Variants in CIRSR observed in about 807,000 individuals in gnomAD.
The protein encoded by CIRSR is corepressor of RBPJ and splicing regulator, also known as CBF1 (RBPJ) interacting corepressor 1.
chr2:174,351,099 TA>T, the CIRSR span, among the ~76,000 whole-genome samples: 1 of 152,152 alleles, frequency 6.6e-6, no homozygotes, highest in African/African-American at 2.4e-5. Flanking sequence ...TAATGAAATA[TA>T]AAAAAGAAGA....
the CIRSR span, among the ~76,000 whole-genome samples, chr2:174,359,334 T>TAA: frequency 4.4e-5 from 6 of 136,756 alleles, no homozygotes; most frequent in East Asian, 2.1e-4. Context: ...GCATTTTACT[T>TAA]AAAAAAAAAA....
the CIRSR span, chr2:174,348,641 T>C: frequency 6.2e-7 from 1 of 1,614,232 alleles, no homozygotes; most frequent in Non-Finnish European, 8.5e-7. Flanking sequence ...CCCGTTTCCT[T>C]GTCTCCCTTT....
chr2:174,385,059 G>GA, the CIRSR span, among the ~76,000 whole-genome samples: 1 of 151,724 alleles, frequency 6.6e-6, no homozygotes, highest in African/African-American at 2.4e-5. Context: ...CTACAAAAAA[G>GA]AAAAAATTAG....
the CIRSR span, among the ~76,000 whole-genome samples, chr2:174,352,646 G>A: frequency 1.6e-4 from 24 of 152,170 alleles, no homozygotes; most frequent in African/African-American, 5.1e-4. Flanking sequence ...TGTAAGGTAA[G>A]AGAGACTCTT....
At chr2:174,372,790 C>A in the CIRSR span, among the ~76,000 whole-genome samples, 1 of 152,080 alleles carries the variant, frequency 6.6e-6, no homozygotes, top group Non-Finnish European at 1.5e-5. Context: ...CAGTGTTGTC[C>A]AGGCTGGTCT....
At chr2:174,368,046 C>T in the CIRSR span, among the ~76,000 whole-genome samples, 17 of 152,134 alleles carry the variant, frequency 1.1e-4, no homozygotes, top group African/African-American at 2.9e-4. Context: ...TGTGTACATG[C>T]CTAACAACAG....
the CIRSR span, chr2:174,379,102 T>C: frequency 1.8e-6 from 2 of 1,111,482 alleles, no homozygotes; most frequent in East Asian, 4.7e-5. Flanking sequence ...AATGTTCAAA[T>C]TCCTATTCCT....
chr2:174,387,571 A>G, the CIRSR span: 14 of 1,158,640 alleles, frequency 1.2e-5, no homozygotes, highest in African/African-American at 1.6e-5. Context: ...GAAAGACACG[A>G]ATCCTATAAT....
chr2:174,358,192 ACT>A, the CIRSR span: 5 of 152,188 alleles, frequency 3.3e-5, no homozygotes, highest in Non-Finnish European at 5.9e-5. Flanking sequence ...AAAAAAAATC[ACT>A]GTTTATTAGA....
At chr2:174,355,725 A>G in the CIRSR span, among the ~76,000 whole-genome samples, 1 of 152,250 alleles carries the variant, frequency 6.6e-6, no homozygotes, top group Non-Finnish European at 1.5e-5. Context: ...TTTTTACAGA[A>G]CAAAAACAAT....
the CIRSR span, among the ~76,000 whole-genome samples, chr2:174,393,785 G>A: frequency 6.7e-6 from 1 of 150,154 alleles, no homozygotes; most frequent in Non-Finnish European, 1.5e-5. Context: ...ATATCCCTGT[G>A]AAACCATCAT....
At chr2:174,379,509 C>T in the CIRSR span, among the ~76,000 whole-genome samples, 1 of 152,118 alleles carries the variant, frequency 6.6e-6, no homozygotes, top group South Asian at 2.1e-4. Context: ...GGGAAAGCAG[C>T]CACAGCCAAT....
chr2:174,373,628 CAT>C, the CIRSR span, among the ~76,000 whole-genome samples: 2 of 152,074 alleles, frequency 1.3e-5, no homozygotes, highest in Non-Finnish European at 2.9e-5. Flanking sequence ...ATATTAGAAT[CAT>C]AGCATAGATT....
the CIRSR span, among the ~76,000 whole-genome samples, chr2:174,362,691 A>G: frequency 7.1e-5 from 6 of 85,096 alleles, no homozygotes; most frequent in Non-Finnish European, 1.8e-4. Context: ...TGCCTCAAAA[A>G]AAAAAAAAAA....
At chr2:174,372,604 T>C in the CIRSR span, among the ~76,000 whole-genome samples, 2 of 152,156 alleles carry the variant, frequency 1.3e-5, no homozygotes, top group Non-Finnish European at 2.9e-5. Flanking sequence ...GTTCTTTCTC[T>C]ATTTTTTTTT....
chr2:174,349,769 A>G, the CIRSR span, among the ~76,000 whole-genome samples: 1 of 152,262 alleles, frequency 6.6e-6, no homozygotes, highest in Middle Eastern at 3.4e-3. Context: ...GAAATTATAT[A>G]GCACTCTAAA....
chr2:174,383,635 G>C, the CIRSR span, among the ~76,000 whole-genome samples: 2 of 148,988 alleles, frequency 1.3e-5, no homozygotes, highest in African/African-American at 5.0e-5. Flanking sequence ...CACAAAAATC[G>C]CTTGAACCTC....
the CIRSR span, among the ~76,000 whole-genome samples, chr2:174,354,695 AC>A: frequency 2.0e-5 from 2 of 99,314 alleles, no homozygotes; most frequent in African/African-American, 8.8e-5. Context: ...ATTATATAAT[AC>A]ATATATTATA....
the CIRSR span, among the ~76,000 whole-genome samples, chr2:174,352,523 A>G: frequency 6.6e-6 from 1 of 152,148 alleles, no homozygotes; most frequent in African/African-American, 2.4e-5. Context: ...CAGAGGCGGG[A>G]GGATCACTTG....
Sources: allele counts gnomAD v4.1 joint callset (sites outside exome capture counted in the v4.1 genomes callset), GRCh38; gene constraint gnomAD v4.1.1; transcripts MANE v1.5; gene names NCBI Gene and HGNC (gene_info 2026-07-23, HGNC 2026-07-21).